The following PJVK variants were observed in gnomAD, a reference collection of about 807,000 sequenced individuals.
PJVK encodes the protein autosomal recessive deafness type 59 protein.
A neutral mutation model predicts 37.6 loss-of-function variants in PJVK; 33 were observed. That is an observed-to-expected ratio of 0.88 (90% CI 0.67 to 1.17). The LOEUF (loss-of-function observed/expected upper bound fraction) is 1.17, where lower values mean the gene tolerates loss of function less well. Among genes scored for constraint, PJVK ranks in the 50% most tolerant of loss-of-function variants. PJVK has a pLI of 0.00. For missense variants in PJVK, 410 were observed against 413.8 expected (o/e 0.99, Z 0.08); for synonymous variants, 141 against 143.5 (o/e 0.98, Z 0.13).
intron 1 of PJVK, chr2:178,452,524 A>G (rs1697750927): frequency 2.0e-6 from 2 of 985,300 alleles, no homozygotes; most frequent in South Asian, 4.7e-5. Flanking sequence ...ATTTCACAAT[A>G]TATGAACTCC....
At chr2:178,459,668 A>T (rs1684362071) in intron 5 of PJVK, 1 of 154,392 alleles carries the variant, frequency 6.5e-6, no homozygotes, top group Admixed American at 6.5e-5. Flanking sequence ...ACTAGGTCTT[A>T]TTAAGTAAAT....
In PJVK at chr2:178,456,312, GA is replaced by G. The variant is rs80082011; in HGVS notation, c.549+172del. On this transcript the variant is annotated intron_variant, in intron 4 of 6. Transcript: ENST00000644580. Reference sequence around the variant, plus strand: ...CACAGCAATGTCTGTTCTAGAATATGAAAAAAAAAAACAAATCTTGGGATTC... The same window carrying G: ...CACAGCAATGTCTGTTCTAGAATATGAAAAAAAAAACAAATCTTGGGATTC... The G allele has an allele frequency of 0.14, 92,457 of 641,872 alleles. 4,254 individuals carry two copies. Among genetic ancestry groups the G allele is most frequent in the East Asian group, 0.34 (10,893 of 31,642 alleles). 39.8% of individuals were successfully genotyped at this position (641,872 alleles called of 1,614,324 possible). A position where few individuals can be genotyped will look rare whatever the true frequency, so the allele number is the denominator to read the frequency against.
At chr2:178,455,181 A>C in intron 3 of PJVK, 1 of 1,594,716 alleles carries the variant, frequency 6.3e-7, no homozygotes, top group Non-Finnish European at 8.6e-7. Context: ...AAGATCAAGA[A>C]GATGGAGTGG....
intron 3 of PJVK, chr2:178,455,505 T>G: frequency 1.1e-6 from 1 of 906,454 alleles, no homozygotes; most frequent in South Asian, 1.3e-5. Flanking sequence ...TCTCTGGGAC[T>G]TGTGGGCCTC....
chr2:178,457,168 G>A (rs1211835336), intron 4 of PJVK, among the ~76,000 whole-genome samples: 3 of 152,104 alleles, frequency 2.0e-5, no homozygotes, highest in Non-Finnish European at 4.4e-5. Context: ...TCCTGACCTC[G>A]TGATCCGCTA....
At chr2:178,457,461 A>G (rs540770758) in intron 4 of PJVK, among the ~76,000 whole-genome samples, 2 of 152,242 alleles carry the variant, frequency 1.3e-5, no homozygotes, top group South Asian at 2.1e-4. Flanking sequence ...ACAAAAAATA[A>G]AAGAATTAGC....
At chr2:178,454,815 GA>G in intron 3 of PJVK, 1 of 1,392,568 alleles carries the variant, frequency 7.2e-7, no homozygotes, top group Admixed American at 1.7e-5. Flanking sequence ...AGAGAATCAT[GA>G]GGCCCAGATC....
chr2:178,452,696 G>C (rs895285477), intron 1 of PJVK: 1 of 934,750 alleles, frequency 1.1e-6, no homozygotes, highest in Non-Finnish European at 1.3e-6. Flanking sequence ...ATTTCAAAGA[G>C]AGAGAGTCTG....
intron 5 of PJVK, chr2:178,459,907 C>T (rs1394743515): frequency 5.9e-6 from 1 of 168,920 alleles, no homozygotes; most frequent in Non-Finnish European, 1.3e-5. Context: ...AATAATGGTG[C>T]ATCCTTGCAA....
In PJVK at chr2:178,462,038, T is replaced by C. The variant is rs1684530986; in HGVS notation, c.*764T>C. Among the ~76,000 whole-genome samples the C allele has an allele frequency of 6.6e-6, 1 of 152,238 alleles. No individual in the cohort carries two copies. Among genetic ancestry groups the C allele is most frequent in the Non-Finnish European group, 1.5e-5 (1 of 68,042 alleles). ...GGTCTGGTAAAATGAGAAAAATGTGTTAATAATTTAATGCAATCTTAAATG... is the reference window on the plus strand; with the variant it reads ...GGTCTGGTAAAATGAGAAAAATGTGCTAATAATTTAATGCAATCTTAAATG... On this transcript the variant is annotated 3_prime_UTR_variant, in exon 7 of 7. Transcript: ENST00000644580.
rs1171380515 is a variant in PJVK at position 178,459,147 on chromosome 2, G to T, written c.667+520G>T. The T allele has an allele frequency of 1.1e-5, 5 of 471,754 alleles. No homozygotes were observed. In the Admixed American group the frequency reaches 1.2e-4, roughly 11 times the overall value. The allele number at this position is 471,754 out of a possible 1,614,324, so 29.2% of individuals were successfully genotyped here. A position where few individuals can be genotyped will look rare whatever the true frequency, so the allele number is the denominator to read the frequency against. On this transcript the variant is annotated intron_variant, in intron 5 of 6. Transcript: ENST00000644580. ...ATACTTCCTCCAAAATTGTCACCTT[G>T]TATAATACCTAAGTGCAGCTCACTT...
intron 4 of PJVK, among the ~76,000 whole-genome samples, chr2:178,456,635 A>G (rs1048043499): frequency 6.6e-6 from 1 of 152,068 alleles, no homozygotes; most frequent in Non-Finnish European, 1.5e-5. Context: ...GTGTGGTGGT[A>G]CACCCCTGTA....
At chr2:178,453,938 A>G (rs1209151250) in intron 2 of PJVK, 2 of 330,676 alleles carry the variant, frequency 6.0e-6, no homozygotes, top group African/African-American at 4.4e-5. Context: ...TACATGGTCA[A>G]ATGAGATGAA....
chr2:178,461,242 T>C lies in PJVK; in HGVS notation c.1027T>C (p.Cys343Arg). 6.2e-7 allele frequency: 1 copy of C among 1,614,188 alleles called. No homozygotes were observed. The highest frequency in any genetic ancestry group is 8.5e-7 in the Non-Finnish European group (1 of 1,180,022). Residue 343 changes from cysteine (C) to arginine (R), a missense_variant, in exon 7 of 7, where the codon TGT becomes CGT. Coordinates refer to ENST00000644580, the MANE Select transcript of PJVK (RefSeq NM_001042702.5). ...GTATGTGAGACTTCATGCAGTTCCTTGTTTTGATATTTGGCACAAGAGGAT... is the reference window on the plus strand; with the variant it reads ...GTATGTGAGACTTCATGCAGTTCCTCGTTTTGATATTTGGCACAAGAGGAT... ...QKYVRLHAVP[C>R]FDIWHKRMK is the part of the protein sequence containing the mutation.
intron 3 of PJVK, chr2:178,455,577 G>C (rs749357694): frequency 1.8e-5 from 12 of 669,908 alleles, no homozygotes; most frequent in Non-Finnish European, 3.0e-5. Context: ...CAGGAGAAAG[G>C]CTGGGGCTTG....
intron 3 of PJVK, chr2:178,454,914 C>A: frequency 1.1e-6 from 1 of 919,122 alleles, no homozygotes; most frequent in Non-Finnish European, 1.8e-6. Flanking sequence ...AAAACTGAAG[C>A]CCAACCTAGG....
rs765578714 is a variant in PJVK at position 178,454,503 on chromosome 2, C to G, written c.383C>G (p.Thr128Arg). Residue 128 changes from threonine to arginine, a missense_variant, in exon 3 of 7, where the codon ACA (threonine) becomes AGA (arginine). Physicochemically the swap from Thr to Arg is moderately conservative, Grantham distance 71. Coordinates refer to ENST00000644580, the MANE Select transcript of PJVK (RefSeq NM_001042702.5). ...IVTKHEVEVS[T>R]LLKEITTRKI... ...ACCAAACATGAAGTGGAAGTATCAA[C>G]ATTACTCAAAGAAATTACTACACGG... is the stretch of plus-strand genomic sequence containing the variant. The G allele has an allele frequency of 1.2e-6, 2 of 1,613,726 alleles. No homozygotes were observed. Among genetic ancestry groups the G allele is most frequent in the Non-Finnish European group, 1.7e-6 (2 of 1,179,932 alleles).
Position 178,461,206 on chromosome 2 carries a change from G to C in PJVK, c.991G>C (p.Asp331His), listed in dbSNP as rs1684488930. 1 of 1,614,164 alleles carries C rather than the reference G, an allele frequency of 6.2e-7. No homozygotes were observed. The highest frequency in any genetic ancestry group is 8.5e-7 in the Non-Finnish European group (1 of 1,180,020). ...TVYGCFQCSV[D>H]GQKYVRLHAV... is the part of the protein sequence containing the mutation. ...TTATGGGTGCTTTCAGTGTTCTGTT[G>C]ATGGTCAGAAGTATGTGAGACTTCA... Residue 331 changes from aspartate to histidine, a missense_variant, in exon 7 of 7, where the codon GAT becomes CAT. By Grantham distance (81) the Asp-to-His change is moderately conservative (BLOSUM62 -1). Transcript: ENST00000644580.
rs538139082 is a variant in PJVK, at chr2:178,454,460, G to T, written c.340G>T (p.Ala114Ser). Residue 114 changes from alanine (A) to serine (S), a missense_variant, in exon 3 of 7, where the codon GCT becomes TCT. By Grantham distance (99) the Ala-to-Ser change is moderately conservative. Coordinates refer to ENST00000644580, the MANE Select transcript of PJVK (RefSeq NM_001042702.5). ...TGGATCAGATTCCATTGCAGTGAAA[G>T]CTTCATTTGGTATAGTAACCAAACA... is the stretch of plus-strand genomic sequence containing the variant. ...VAGSDSIAVK[A>S]SFGIVTKHEV... The T allele has an allele frequency of 2.5e-6, 4 of 1,613,924 alleles. No homozygotes were observed. In the South Asian group the frequency reaches 3.3e-5, roughly 13 times the overall value.
Sources: allele counts gnomAD v4.1 joint callset (sites outside exome capture counted in the v4.1 genomes callset), GRCh38; gene constraint gnomAD v4.1.1; transcripts MANE v1.5; gene names NCBI Gene and HGNC (gene_info 2026-07-23, HGNC 2026-07-21).